SESTD1: variants seen among roughly 807,000 people sequenced by gnomAD.
SESTD1 encodes SEC14 domain and spectrin repeat-containing protein 1.
In SESTD1, 43 loss-of-function variants were observed where a neutral mutation model predicts 101.7. The ratio of observed to expected loss-of-function variants is 0.42; its 90% confidence interval spans 0.33 to 0.55. The LOEUF (loss-of-function observed/expected upper bound fraction) is 0.55, where lower values mean the gene tolerates loss of function less well. Among genes scored for constraint, SESTD1 ranks in the 20% least tolerant of loss-of-function variants. The probability of loss-of-function intolerance (pLI) is 0.07; values close to 1 mark genes in which losing one functional copy is unlikely to be tolerated. For missense variants in SESTD1, 647 were observed against 815.1 expected (o/e 0.79, Z 2.51); for synonymous variants, 283 against 286.8 (o/e 0.99, Z 0.13).
chr2:179,233,485 G>A (rs556729358), intron 1 of SESTD1, among the ~76,000 whole-genome samples: 75 of 151,916 alleles, frequency 4.9e-4, no homozygotes, highest in African/African-American at 1.7e-3. Context: ...ATGGAGTCTC[G>A]CTCTGTCACC....
chr2:179,227,367 C>T (rs896982256), intron 1 of SESTD1, among the ~76,000 whole-genome samples: 2 of 152,172 alleles, frequency 1.3e-5, no homozygotes, highest in African/African-American at 4.8e-5. Context: ...TGGCTCCTGA[C>T]TGCCACTAAC....
intron 1 of SESTD1, among the ~76,000 whole-genome samples, chr2:179,200,129 C>A (rs942480189): frequency 6.6e-6 from 1 of 151,676 alleles, no homozygotes; most frequent in Non-Finnish European, 1.5e-5. Flanking sequence ...TATACACCAA[C>A]AACAGACAGA....
intron 1 of SESTD1, among the ~76,000 whole-genome samples, chr2:179,232,920 G>A (rs2047007377): frequency 1.3e-5 from 2 of 152,162 alleles, no homozygotes; most frequent in Admixed American, 6.5e-5. Context: ...AAGATGAGTG[G>A]AGAAGTGGTA....
intron 5 of SESTD1, among the ~76,000 whole-genome samples, chr2:179,155,421 T>A (rs2045609350): frequency 6.6e-6 from 1 of 152,108 alleles, no homozygotes; most frequent in Non-Finnish European, 1.5e-5. Context: ...GAGCATGAAT[T>A]CACATCTGAA....
chr2:179,173,085 A>G (rs751452979), intron 4 of SESTD1, among the ~76,000 whole-genome samples: 2 of 151,968 alleles, frequency 1.3e-5, no homozygotes, highest in African/African-American at 2.4e-5. Flanking sequence ...CTCCTCCACA[A>G]CAGCTCGCTG....
intron 9 of SESTD1, 46 bp downstream of exon 9, chr2:179,143,546 T>C (rs1418670560): frequency 6.5e-7 from 1 of 1,542,878 alleles, no homozygotes; most frequent in Admixed American, 1.7e-5. Context: ...TAGTAGAAAT[T>C]ATAAGGAATT....
chr2:179,185,677 CATATTATATATAATATAGT>C (rs1231020815), intron 2 of SESTD1, among the ~76,000 whole-genome samples: 3 of 49,698 alleles, frequency 6.0e-5, no homozygotes, highest in South Asian at 6.6e-4. Context: ...TATAATATAG[CATATTATATATAATATAGT>C]ATATTATATA....
chr2:179,168,484 G>A (rs545369796), intron 5 of SESTD1, among the ~76,000 whole-genome samples: 12 of 151,930 alleles, frequency 7.9e-5, no homozygotes, highest in African/African-American at 2.9e-4. Context: ...CCTAACCCCT[G>A]CATTGTTCAC....
Position 179,109,846 on chromosome 2 carries a change from T to G in SESTD1, c.*53A>C. ...AGGTGTGGTGGCTAATGCTGTAGTA[T>G]GTTGACAACATGCGGGATTATGAAC... On this transcript the variant is annotated 3_prime_UTR_variant, in exon 18 of 18. Transcript: ENST00000428443. 1.2e-6 allele frequency: 2 copies of G among 1,601,278 alleles called. No homozygotes were observed. Among genetic ancestry groups the G allele is most frequent in the Non-Finnish European group, 1.7e-6 (2 of 1,173,382 alleles).
At chr2:179,175,737 C>A (rs1201359933) in intron 4 of SESTD1, among the ~76,000 whole-genome samples, 1 of 152,214 alleles carries the variant, frequency 6.6e-6, no homozygotes, top group Admixed American at 6.5e-5. Context: ...CAAATCATAT[C>A]TTCAATACCC....
intron 7 of SESTD1, 79 bp downstream of exon 7, chr2:179,149,218 T>A: frequency 1.0e-6 from 1 of 962,808 alleles, no homozygotes. Flanking sequence ...TCTTTTAGCT[T>A]GCATTAACAA....
chr2:179,187,620 C>T lies in SESTD1; in HGVS notation c.55+4167G>A, dbSNP rs569241365. 2.1e-3 allele frequency among the ~76,000 whole-genome samples: 325 copies of T among 152,134 alleles called. 1 individual carries two copies. Among genetic ancestry groups the T allele is most frequent in the African/African-American group, 7.6e-3 (314 of 41,492 alleles). The stretch of plus-strand genomic sequence containing the variant: ...CTGCACTCCAGCCTGGGTGGCAGAA[C>T]GAGATCCTGTCTCAAACAAACAAAC... On this transcript the variant is annotated intron_variant, in intron 2 of 17. Coordinates refer to ENST00000428443, the MANE Select transcript of SESTD1 (RefSeq NM_178123.5).
At chr2:179,246,041 G>A (rs945973860) in intron 1 of SESTD1, among the ~76,000 whole-genome samples, 8 of 152,160 alleles carry the variant, frequency 5.3e-5, no homozygotes, top group African/African-American at 1.9e-4. Context: ...CGGACCACAA[G>A]GTCAGGAGTT....
intron 1 of SESTD1, among the ~76,000 whole-genome samples, chr2:179,242,725 G>C (rs2047173047): frequency 6.6e-6 from 1 of 152,150 alleles, no homozygotes; most frequent in African/African-American, 2.4e-5. Context: ...CAAATAAATG[G>C]TGCTGGGATA....
Position 179,108,189 on chromosome 2 carries a change from G to A in SESTD1, c.*1710C>T, listed in dbSNP as rs998496768. 4.6e-5 allele frequency: 7 copies of A among 152,120 alleles called. No homozygotes were observed. 9.4% of individuals were successfully genotyped at this position (152,120 alleles called of 1,614,324 possible). A position where few individuals can be genotyped will look rare whatever the true frequency, so the allele number is the denominator to read the frequency against. The stretch of plus-strand genomic sequence containing the variant: ...CATTGGTATAAAATAAAAACTCTAA[G>A]GATGAGATACCGAGAAAAGAGCCAA... On this transcript the variant is annotated 3_prime_UTR_variant, in exon 18 of 18. Transcript: ENST00000428443.
At chr2:179,155,855 T>G (rs1196857712) in intron 5 of SESTD1, among the ~76,000 whole-genome samples, 1 of 152,154 alleles carries the variant, frequency 6.6e-6, no homozygotes, top group Non-Finnish European at 1.5e-5. Flanking sequence ...CAGTATACAC[T>G]GCAGCATATT....
At chr2:179,139,082 A>G (rs552620988) in intron 9 of SESTD1, among the ~76,000 whole-genome samples, 1 of 152,100 alleles carries the variant, frequency 6.6e-6, no homozygotes, top group Admixed American at 6.5e-5. Flanking sequence ...TTACCATGAC[A>G]TGCATATTCC....
intron 16 of SESTD1, among the ~76,000 whole-genome samples, chr2:179,113,852 T>TGAGA (rs1489318784): frequency 8.0e-4 from 114 of 141,696 alleles, no homozygotes; most frequent in African/African-American, 2.9e-3. Flanking sequence ...GGCAACAGAG[T>TGAGA]GAGACTCTGT....
intron 1 of SESTD1, among the ~76,000 whole-genome samples, chr2:179,245,838 TAA>T (rs1392011029): frequency 6.6e-6 from 1 of 152,124 alleles, no homozygotes; most frequent in Non-Finnish European, 1.5e-5. Context: ...ATATATTCAT[TAA>T]AAAACATGTT....
Sources: gnomAD v4.1 joint callset for allele counts (sites outside exome capture counted in the v4.1 genomes callset) on GRCh38, gnomAD v4.1.1 for gene constraint, MANE v1.5 for transcripts, NCBI Gene and HGNC (gene_info 2026-07-23, HGNC 2026-07-21) for gene names.